Variants in HIPK1 observed in about 807,000 individuals in gnomAD.
HIPK1 encodes homeodomain interacting protein kinase 1.
A neutral mutation model predicts 117.1 loss-of-function variants in HIPK1; 28 were observed. The ratio of observed to expected loss-of-function variants is 0.24; its 90% CI spans 0.18 to 0.33. The LOEUF (loss-of-function observed/expected upper bound fraction) is 0.33, where lower values mean the gene tolerates loss of function less well. HIPK1 is among the 10% of genes least tolerant of loss of function. The probability of loss-of-function intolerance (pLI) is 1.00; values close to 1 mark genes in which losing one functional copy is unlikely to be tolerated. For synonymous variants in HIPK1, 605 were observed against 562.5 expected (o/e 1.08, Z -1.07); for missense variants, 1,122 against 1,475.1 (o/e 0.76, Z 3.92).
chr1:113,970,882 CAT>C (rs1195169424), intron 14 of HIPK1, among the ~76,000 whole-genome samples: 3 of 152,190 alleles, frequency 2.0e-5, no homozygotes, highest in Non-Finnish European at 4.4e-5. Flanking sequence ...GAGGCACACA[CAT>C]GTCTTAACCT....
intron 2 of HIPK1, among the ~76,000 whole-genome samples, chr1:113,947,816 C>T (rs1458190103): frequency 1.3e-5 from 2 of 152,194 alleles, no homozygotes; most frequent in Non-Finnish European, 2.9e-5. Flanking sequence ...GTTCAAAGCA[C>T]AATTAATGCC....
In HIPK1 at chr1:113,948,433, T is replaced by C. The variant is rs571908225; in HGVS notation, c.1077-4333T>C. On this transcript the variant is annotated intron_variant, in intron 2 of 15. Coordinates refer to ENST00000426820, the MANE Select transcript of HIPK1 (RefSeq NM_198268.3). ...TACCTGGCTAATTTTTTAAATTTTT[T>C]TGGTAGAGATTGGGTCTTGCTGTGT... Among the ~76,000 whole-genome samples, 11 of 152,196 alleles carry C rather than the reference T, an allele frequency of 7.2e-5. No homozygotes were observed. The South Asian group carries it at 1.9e-3, about 26-fold the overall frequency.
chr1:113,949,811 G>A (rs1171431812), intron 2 of HIPK1, among the ~76,000 whole-genome samples: 1 of 151,982 alleles, frequency 6.6e-6, no homozygotes. Context: ...TGTTGGCCAG[G>A]CTGGTCTCAA....
In HIPK1 at chr1:113,974,003, C is replaced by T. The variant is rs1310625913; in HGVS notation, c.*491C>T. 3 of 152,580 alleles carry T rather than the reference C, an allele frequency of 2.0e-5. No individual in the cohort carries two copies. The highest frequency in any genetic ancestry group is 7.2e-5 in the African/African-American group (3 of 41,468). The allele number at this position is 152,580 out of a possible 1,614,324, so 9.5% of individuals were successfully genotyped here. A position where few individuals can be genotyped will look rare whatever the true frequency, so the allele number is the denominator to read the frequency against. On this transcript the variant is annotated 3_prime_UTR_variant, in exon 16 of 16. Transcript: ENST00000426820. ...ATTACTTTTTGTTTGTTTATAAACTCAGACTTGCCTATTTTATTTTAAAAG... is the reference window on the plus strand; with the variant it reads ...ATTACTTTTTGTTTGTTTATAAACTTAGACTTGCCTATTTTATTTTAAAAG...
intron 1 of HIPK1, among the ~76,000 whole-genome samples, chr1:113,939,865 GACTGTTCTT>G (rs1571657185): frequency 6.6e-6 from 1 of 152,064 alleles, no homozygotes; most frequent in East Asian, 1.9e-4. Context: ...CAGAAAGCTG[GACTGTTCTT>G]ACATCCTTTC....
In HIPK1 at chr1:113,976,490, A is replaced by G. The variant is rs147667149; in HGVS notation, c.*2978A>G. 0.027 allele frequency: 4,097 copies of G among 152,906 alleles called. 57 individuals carry two copies. The highest frequency in any genetic ancestry group is 0.044 in the Middle Eastern group (13 of 294). The allele number at this position is 152,906 out of a possible 1,614,324, so 9.5% of individuals were successfully genotyped here. On this transcript the variant is annotated 3_prime_UTR_variant, in exon 16 of 16. Transcript: ENST00000426820. ...TCCCATTCCTGCACCCCAGTCCAAT[A>G]AGCAGATACCACTTAAGATAGGAGT...
intron 2 of HIPK1, among the ~76,000 whole-genome samples, chr1:113,949,242 A>G (rs1671186499): frequency 6.6e-6 from 1 of 152,236 alleles, no homozygotes; most frequent in Non-Finnish European, 1.5e-5. Context: ...TAGGAATAGC[A>G]AAATCAATAT....
chr1:113,936,477 T>G (rs1225274483), intron 1 of HIPK1, among the ~76,000 whole-genome samples: 1 of 152,184 alleles, frequency 6.6e-6, no homozygotes, highest in Non-Finnish European at 1.5e-5. Flanking sequence ...AATCCTTTTT[T>G]TTTTTGAGAT....
In HIPK1 at chr1:113,958,097, C is replaced by T. The variant is rs767427259; in HGVS notation, c.1787C>T (p.Ala596Val). Residue 596 changes from alanine (A) to valine (V), a missense_variant, in exon 8 of 16, where the codon GCA becomes GTA. This residue lies in a region of HIPK1 where 731 missense variants were observed against 860.4 expected (regional missense o/e 0.85). Coordinates refer to ENST00000426820, the MANE Select transcript of HIPK1 (RefSeq NM_198268.3). ...ASVLASSSTA[A>V]AATLSLANSD... ...GTTCTAGCTTCCAGTTCTACTGCAG[C>T]AGCTGCTACTCTTTCTCTGGCTAAT... 1.2e-6 allele frequency: 2 copies of T among 1,613,978 alleles called. No homozygotes were observed. The highest frequency in any genetic ancestry group is 1.7e-6 in the Non-Finnish European group (2 of 1,179,954).
At chr1:113,966,306 A>C in intron 11 of HIPK1, 34 bp downstream of exon 11, 1 of 1,596,060 alleles carries the variant, frequency 6.3e-7, no homozygotes, top group Non-Finnish European at 8.5e-7. Flanking sequence ...GAGATTTGTA[A>C]GGGCCGATCC....
chr1:113,929,911 C>T, intron 1 of HIPK1: 9 of 986,418 alleles, frequency 9.1e-6, no homozygotes, highest in Non-Finnish European at 9.6e-6. Flanking sequence ...GCAGCCCCAG[C>T]TCGCGGCTGA....
chr1:113,957,939 T>C, intron 7 of HIPK1, 127 bp from the exon 8 acceptor site: 1 of 711,176 alleles, frequency 1.4e-6, no homozygotes, highest in East Asian at 2.7e-5. Flanking sequence ...AGAGAGTTAT[T>C]TCAGAGGCAG....
At chr1:113,949,045 C>T (rs1671171910) in intron 2 of HIPK1, among the ~76,000 whole-genome samples, 1 of 152,022 alleles carries the variant, frequency 6.6e-6, no homozygotes, top group African/African-American at 2.4e-5. Flanking sequence ...ATCATGTTGG[C>T]CAGGCTGGAC....
At chr1:113,971,137 G>A (rs1444753864) in intron 14 of HIPK1, among the ~76,000 whole-genome samples, 1 of 152,236 alleles carries the variant, frequency 6.6e-6, no homozygotes, top group Non-Finnish European at 1.5e-5. Context: ...TGAGGGTATT[G>A]TGTTATGCCT....
intron 8 of HIPK1, among the ~76,000 whole-genome samples, chr1:113,960,754 A>T (rs1017778996): frequency 6.6e-6 from 1 of 152,144 alleles, no homozygotes; most frequent in African/African-American, 2.4e-5. Context: ...TTTTTATATA[A>T]AAAAAGATAT....
rs750424986 is a variant in HIPK1 at position 113,973,225 on chromosome 1, G to T, written c.3346G>T (p.Ala1116Ser). The T allele has an allele frequency of 5.0e-6, 8 of 1,613,978 alleles. No individual in the cohort carries two copies. Among genetic ancestry groups the T allele is most frequent in the Non-Finnish European group, 6.8e-6 (8 of 1,179,980 alleles). ...CCAGGCTCATCTGTATACGTATGCT[G>T]CCCCGACTTCTGCTGCTGCACTGGG... The part of the protein sequence containing the change: ...PSQAHLYTYA[A>S]PTSAAALGST... The change falls in exon 16 of 16, where the codon GCC (alanine) becomes TCC (serine). Residue 1116 changes from alanine (A) to serine (S), a missense_variant. Transcript: ENST00000426820.
At position 113,944,171 on chromosome 1, in the gene HIPK1, T is replaced by TTG. The variant is rs1330531405; in HGVS notation, c.1076+2713_1076+2714insGT. Among the ~76,000 whole-genome samples, 11 of 130,790 alleles carry TTG rather than the reference T, an allele frequency of 8.4e-5. No individual in the cohort carries two copies. In the East Asian group the frequency reaches 2.0e-3, roughly 24 times the overall value. 85.8% of individuals were successfully genotyped at this position (130,790 alleles called of 152,430 possible). On this transcript the variant is annotated intron_variant, in intron 2 of 15. Transcript: ENST00000426820. ...ATAATAGCCATGGGTTTTTTTTTTTTTTTTTTTTTTTTTTTTTGAGATGGA... is the reference window on the plus strand; with the variant it reads ...ATAATAGCCATGGGTTTTTTTTTTTTTGTTTTTTTTTTTTTTTTTGAGATGGA...
chr1:113,932,231 A>G (rs1051595250), intron 1 of HIPK1: 3 of 152,176 alleles, frequency 2.0e-5, no homozygotes, highest in African/African-American at 7.2e-5. Context: ...AGGTAAGGAA[A>G]CTTACATTTC....
chr1:113,958,068 C>G lies in HIPK1; in HGVS notation c.1758C>G (p.Ala586=). The G allele has an allele frequency of 1.2e-6, 2 of 1,611,494 alleles. No homozygotes were observed. Among genetic ancestry groups the G allele is most frequent in the Non-Finnish European group, 1.7e-6 (2 of 1,177,750 alleles). ...SNQLNTVHNQ[A]SVLASSSTAA... Reference sequence around the variant, plus strand: ...AAATATAATCCTTTTGTTTTTAGGCCAGTGTTCTAGCTTCCAGTTCTACTG... The same window carrying G: ...AAATATAATCCTTTTGTTTTTAGGCGAGTGTTCTAGCTTCCAGTTCTACTG... The change falls in exon 8 of 16, where the codon GCC becomes GCG. Residue 586 remains alanine (A), a splice_region_variant and synonymous_variant. Transcript: ENST00000426820.
Sources: gnomAD v4.1 joint callset for allele counts (sites outside exome capture counted in the v4.1 genomes callset) on GRCh38, gnomAD v4.1.1 for gene constraint, gnomAD v4.1.1 regional missense constraint, MANE v1.5 for transcripts, NCBI Gene and HGNC (gene_info 2026-07-23, HGNC 2026-07-21) for gene names.